Variants in TMEM108 observed in about 807,000 individuals in gnomAD.
TMEM108 encodes the protein transmembrane protein 108.
TMEM108 carries 12 observed loss-of-function variants against 35.1 expected under a neutral mutation model. That is an observed-to-expected ratio of 0.34 (90% confidence interval 0.22 to 0.55). TMEM108 has a LOEUF of 0.55. Among genes scored for constraint, TMEM108 ranks in the 20% least tolerant of loss-of-function variants. The pLI, the probability that TMEM108 is intolerant of heterozygous loss-of-function variation, is 0.89. For synonymous variants in TMEM108, 287 were observed against 308.6 expected, an observed-to-expected ratio of 0.93 and a Z score of 0.73; for missense variants, 680 against 753.3, an observed-to-expected ratio of 0.90 and a Z score of 1.14.
At chr3:133,264,432 C>G (rs34993787) in intron 3 of TMEM108, among the ~76,000 whole-genome samples, 1,762 of 152,274 alleles carry the variant, frequency 0.012, 8 homozygotes, top group Non-Finnish European at 0.02. Context: ...TGCAGCTGCA[C>G]GTCTGTGGTT....
At chr3:133,214,451 CTT>C in intron 2 of TMEM108, among the ~76,000 whole-genome samples, 1 of 152,228 alleles carries the variant, frequency 6.6e-6, no homozygotes, top group East Asian at 1.9e-4. Flanking sequence ...CCTTCCTAGT[CTT>C]TTATTTTCCC....
At chr3:133,080,959 T>A (rs931406753) in intron 2 of TMEM108, among the ~76,000 whole-genome samples, 1 of 152,198 alleles carries the variant, frequency 6.6e-6, no homozygotes, top group African/African-American at 2.4e-5. Context: ...CAGAGTCGTT[T>A]GATGAAAGGA....
rs10580755 is a variant in TMEM108, at chr3:133,374,542, TTATATATA to T, written c.41-5195_41-5188del. On this transcript the variant is annotated intron_variant, in intron 3 of 5. Transcript: ENST00000321871. The stretch of plus-strand genomic sequence containing the variant: ...TATATGTGTGTATATATAATTTTTG[TTATATATA>T]TATATATATATATACACACACACAC... 5.0e-4 allele frequency among the ~76,000 whole-genome samples: 73 copies of T among 145,816 alleles called. No homozygotes were observed. In the East Asian group the frequency reaches 0.011, roughly 22 times the overall value.
intron 3 of TMEM108, among the ~76,000 whole-genome samples, chr3:133,308,917 A>T (rs1287278306): frequency 6.6e-6 from 1 of 152,216 alleles, no homozygotes; most frequent in African/African-American, 2.4e-5. Context: ...TATTGATTGG[A>T]ATAGTTTCAG....
intron 3 of TMEM108, among the ~76,000 whole-genome samples, chr3:133,266,157 C>T (rs915850116): frequency 1.3e-5 from 2 of 151,756 alleles, no homozygotes; most frequent in Admixed American, 1.3e-4. Flanking sequence ...TCTTCCTCCA[C>T]CCAGCCTTAT....
chr3:133,096,795 A>G (rs1179828181), intron 2 of TMEM108, among the ~76,000 whole-genome samples: 1 of 152,246 alleles, frequency 6.6e-6, no homozygotes, highest in African/African-American at 2.4e-5. Context: ...AATTTGGTAT[A>G]ATACGCAACA....
intron 2 of TMEM108, among the ~76,000 whole-genome samples, chr3:133,165,826 A>T (rs1945028998): frequency 6.6e-6 from 1 of 152,228 alleles, no homozygotes; most frequent in African/African-American, 2.4e-5. Flanking sequence ...ACACATGTGT[A>T]TTAGACAAAA....
At chr3:133,184,050 C>T (rs1945385636) in intron 2 of TMEM108, among the ~76,000 whole-genome samples, 1 of 152,162 alleles carries the variant, frequency 6.6e-6, no homozygotes, top group Non-Finnish European at 1.5e-5. Flanking sequence ...AAAGAACTGG[C>T]ACAGCCTGCG....
At chr3:133,065,950 A>G (rs1198083136) in intron 2 of TMEM108, among the ~76,000 whole-genome samples, 1 of 152,174 alleles carries the variant, frequency 6.6e-6, no homozygotes, top group Non-Finnish European at 1.5e-5. Context: ...CTCTAAGTTA[A>G]GTGTAAGGAT....
At chr3:133,069,815 C>T (rs996468207) in intron 2 of TMEM108, among the ~76,000 whole-genome samples, 5 of 152,192 alleles carry the variant, frequency 3.3e-5, no homozygotes, top group Non-Finnish European at 7.3e-5. Flanking sequence ...TGACTCACCT[C>T]ACTCTTACGC....
chr3:133,393,818 T>C (rs2073268752), intron 5 of TMEM108, among the ~76,000 whole-genome samples: 2 of 152,222 alleles, frequency 1.3e-5, no homozygotes, highest in African/African-American at 4.8e-5. Context: ...GAACGCACTA[T>C]AGAAAAGGCC....
chr3:133,170,768 C>T (rs890646974), intron 2 of TMEM108, among the ~76,000 whole-genome samples: 2 of 152,016 alleles, frequency 1.3e-5, no homozygotes, highest in Non-Finnish European at 2.9e-5. Context: ...CAGTATATAT[C>T]AGTTAATACA....
chr3:133,336,149 C>T lies in TMEM108; in HGVS notation c.41-43603C>T, dbSNP rs182925711. 1.8e-4 allele frequency among the ~76,000 whole-genome samples: 27 copies of T among 152,208 alleles called. No homozygotes were observed. In the East Asian group the frequency reaches 5.0e-3, roughly 28 times the overall value. On this transcript the variant is annotated intron_variant, in intron 3 of 5. Coordinates refer to ENST00000321871, the MANE Select transcript of TMEM108 (RefSeq NM_023943.4). ...AGTCTAGGTCACAAAGACTCCAATTCCTAGGTAAGTTCTGGTGCTGAACTG... is the reference window on the plus strand; with the variant it reads ...AGTCTAGGTCACAAAGACTCCAATTTCTAGGTAAGTTCTGGTGCTGAACTG...
chr3:133,088,441 T>A (rs1435543813), intron 2 of TMEM108, among the ~76,000 whole-genome samples: 1 of 152,082 alleles, frequency 6.6e-6, no homozygotes, highest in African/African-American at 2.4e-5. Context: ...AAAGAGCATG[T>A]GGGGTGGTAG....
At chr3:133,100,871 A>G (rs1274908888) in intron 2 of TMEM108, among the ~76,000 whole-genome samples, 2 of 152,254 alleles carry the variant, frequency 1.3e-5, no homozygotes, top group Non-Finnish European at 2.9e-5. Flanking sequence ...TACAATAATC[A>G]TAACTGTAAT....
chr3:133,064,442 C>T (rs1943571498), intron 2 of TMEM108, among the ~76,000 whole-genome samples: 1 of 152,086 alleles, frequency 6.6e-6, no homozygotes, highest in Admixed American at 6.5e-5. Context: ...GTCTGTTGAG[C>T]CCTAAACATA....
chr3:133,132,451 A>G (rs1944503420), intron 2 of TMEM108, among the ~76,000 whole-genome samples: 1 of 152,230 alleles, frequency 6.6e-6, no homozygotes, highest in Non-Finnish European at 1.5e-5. Context: ...GGAACAACAT[A>G]GCCTGGATGA....
At chr3:133,193,501 G>A (rs2107817166) in intron 2 of TMEM108, among the ~76,000 whole-genome samples, 1 of 152,140 alleles carries the variant, frequency 6.6e-6, no homozygotes, top group African/African-American at 2.4e-5. Context: ...GTCCTGAGTT[G>A]GAATCATGGC....
At chr3:133,272,272 C>CATGTGTGTGT (rs373072243) in intron 3 of TMEM108, among the ~76,000 whole-genome samples, 113 of 137,832 alleles carry the variant, frequency 8.2e-4, no homozygotes, top group African/African-American at 2.9e-3. Flanking sequence ...CATACACGTA[C>CATGTGTGTGT]GTGTGTGTGT....
Sources: gnomAD v4.1 joint callset for allele counts (sites outside exome capture counted in the v4.1 genomes callset) on GRCh38, gnomAD v4.1.1 for gene constraint, MANE v1.5 for transcripts, NCBI Gene and HGNC (gene_info 2026-07-23, HGNC 2026-07-21) for gene names.